The following MAP3K5 variants were observed in gnomAD, a reference collection of about 807,000 sequenced individuals.
The protein encoded by MAP3K5 is mitogen-activated protein kinase kinase kinase 5, also known as ASK-1.
In MAP3K5, 56 loss-of-function variants were observed where a neutral mutation model predicts 158.7. The observed-to-expected ratio is 0.35, with a 90% CI of 0.28 to 0.44. MAP3K5 has a LOEUF of 0.44. Among genes scored for constraint, MAP3K5 ranks in the 20% least tolerant of loss-of-function variants. The pLI is 1.00. For missense variants in MAP3K5, 1,294 were observed against 1,674.8 expected, an observed-to-expected ratio of 0.77 and a Z score of 3.97; for synonymous variants, 579 against 601.7, an observed-to-expected ratio of 0.96 and a Z score of 0.55.
chr6:136,571,131 C>T (rs1446966301), intron 25 of MAP3K5, among the ~76,000 whole-genome samples: 4 of 152,086 alleles, frequency 2.6e-5, no homozygotes, highest in Non-Finnish European at 5.9e-5. Flanking sequence ...TCAGCATGCA[C>T]CCCCCTATTC....
chr6:136,602,040 T>C (rs925932204), intron 19 of MAP3K5, 61 bp from the exon 20 acceptor site: 98 of 1,380,700 alleles, frequency 7.1e-5, no homozygotes, highest in Non-Finnish European at 8.7e-5. Context: ...GCACCTGAAC[T>C]CCAGCTTCCA....
intron 1 of MAP3K5, among the ~76,000 whole-genome samples, chr6:136,772,482 G>A (rs1449454825): frequency 3.3e-5 from 5 of 151,964 alleles, no homozygotes; most frequent in Non-Finnish European, 7.4e-5. Flanking sequence ...GGGGGCAGTG[G>A]CGGGGGGCTT....
intron 7 of MAP3K5, among the ~76,000 whole-genome samples, chr6:136,686,787 T>C (rs1267393604): frequency 6.6e-6 from 1 of 152,090 alleles, no homozygotes; most frequent in East Asian, 1.9e-4. Context: ...CACAAACAAA[T>C]GGAAAAACAT....
At chr6:136,563,267 T>C (rs1410841121) in intron 26 of MAP3K5, among the ~76,000 whole-genome samples, 3 of 152,096 alleles carry the variant, frequency 2.0e-5, no homozygotes, top group Non-Finnish European at 4.4e-5. Flanking sequence ...ATGTCAAAGA[T>C]ATAAATATGG....
chr6:136,636,529 T>C (rs1777644304), intron 14 of MAP3K5, among the ~76,000 whole-genome samples: 1 of 152,180 alleles, frequency 6.6e-6, no homozygotes, highest in Non-Finnish European at 1.5e-5. Context: ...GTGTCATTCT[T>C]CAGACATTGA....
chr6:136,620,257 G>A (rs985636243), intron 15 of MAP3K5, among the ~76,000 whole-genome samples: 14 of 152,174 alleles, frequency 9.2e-5, no homozygotes, highest in African/African-American at 3.4e-4. Flanking sequence ...ATGACAGAGT[G>A]AGTCTCTGAC....
chr6:136,613,101 G>C lies in MAP3K5; in HGVS notation c.2415+19C>G, dbSNP rs779691910. On this transcript the variant is annotated intron_variant, in intron 17 of 29. Transcript: ENST00000359015. This position sits in a 1 kb window ranked among gnomAD's most constrained non-coding sequence, Gnocchi z 4.0. ...CAGCAAAGAAAGAACTCATGAAAAT[G>C]AATGCTGGTGTACCTCACCTTTATG... 1 of 1,572,974 alleles carries C rather than the reference G, an allele frequency of 6.4e-7. No individual in the cohort carries two copies. The highest frequency in any genetic ancestry group is 8.6e-7 in the Non-Finnish European group (1 of 1,161,984).
Position 136,711,590 on chromosome 6 carries a change from T to C in MAP3K5, c.589-6457A>G, listed in dbSNP as rs190229125. On this transcript the variant is annotated intron_variant, in intron 2 of 29. Coordinates refer to ENST00000359015, the MANE Select transcript of MAP3K5 (RefSeq NM_005923.4). ...TCGAGATGGGAGGATTGCTTGAACC[T>C]GGGAGGTGGAGGTTGCACTGAGCCA... is the stretch of plus-strand genomic sequence containing the variant. 1.4e-3 allele frequency among the ~76,000 whole-genome samples: 213 copies of C among 150,934 alleles called. 2 individuals are homozygous for C. The highest frequency in any genetic ancestry group is 2.2e-3 in the Non-Finnish European group (151 of 67,828).
chr6:136,664,686 G>A (rs1779152240), intron 8 of MAP3K5, among the ~76,000 whole-genome samples: 1 of 152,116 alleles, frequency 6.6e-6, no homozygotes, highest in Non-Finnish European at 1.5e-5. Context: ...GCCGGATGTG[G>A]TGGCTCATGC....
At chr6:136,624,617 A>G (rs958581021) in intron 14 of MAP3K5, among the ~76,000 whole-genome samples, 31 of 152,218 alleles carry the variant, frequency 2.0e-4, no homozygotes, top group African/African-American at 7.5e-4. Flanking sequence ...CTGAGCACAG[A>G]ATACTAAAAA....
At chr6:136,754,623 A>T (rs1783389014) in intron 1 of MAP3K5, among the ~76,000 whole-genome samples, 1 of 151,828 alleles carries the variant, frequency 6.6e-6, no homozygotes, top group Non-Finnish European at 1.5e-5. Context: ...TCCTGTTTGA[A>T]GGTGGATTAT....
At chr6:136,666,859 T>C (rs955979455) in intron 8 of MAP3K5, among the ~76,000 whole-genome samples, 1 of 152,230 alleles carries the variant, frequency 6.6e-6, no homozygotes, top group Non-Finnish European at 1.5e-5. Context: ...AATTCACTGA[T>C]AAGCCATATT....
intron 1 of MAP3K5, among the ~76,000 whole-genome samples, chr6:136,785,090 T>C (rs1273275580): frequency 2.6e-5 from 4 of 152,202 alleles, no homozygotes; most frequent in East Asian, 3.8e-4. Flanking sequence ...GGAAAGTATA[T>C]TGAAAGTAGA....
rs1481387114 is a variant in MAP3K5, at chr6:136,698,532, C to A, written c.763G>T (p.Asp255Tyr). The change falls in exon 4 of 30, where the codon GAT becomes TAT. Residue 255 changes from aspartate to tyrosine, a missense_variant. By Grantham distance (160) the Asp-to-Tyr change is radical. This residue lies in a region of MAP3K5 where 690 missense variants were observed against 870.5 expected (regional missense o/e 0.79). Transcript: ENST00000359015. The part of the protein sequence containing the change: ...LLGPICLPLV[D>Y]RFIQLLKVAQ... ...ACCTTCAAAAGTTGAATAAAACGAT[C>A]CACAAGAGGTAAGCAGATGGGTCCA... 1 of 1,613,884 alleles carries A rather than the reference C, an allele frequency of 6.2e-7. No individual in the cohort carries two copies. Among genetic ancestry groups the A allele is most frequent in the East Asian group, 2.2e-5 (1 of 44,834 alleles).
intron 21 of MAP3K5, 104 bp downstream of exon 21, chr6:136,600,918 A>T: frequency 8.3e-7 from 1 of 1,210,086 alleles, no homozygotes; most frequent in Non-Finnish European, 1.2e-6. Flanking sequence ...CTTTCCCCCC[A>T]TGTAAGCCAG....
chr6:136,602,066 A>C, intron 19 of MAP3K5, 87 bp from the exon 20 acceptor site: 6 of 963,774 alleles, frequency 6.2e-6, no homozygotes, highest in Non-Finnish European at 9.5e-6. Flanking sequence ...TGACCCCCCA[A>C]TGCAACAAGA....
At chr6:136,574,635 T>C (rs1387978116) in intron 25 of MAP3K5, among the ~76,000 whole-genome samples, 1 of 151,944 alleles carries the variant, frequency 6.6e-6, no homozygotes, top group East Asian at 1.9e-4. Flanking sequence ...AAGGGACTTG[T>C]ACTGTACTCT....
intron 1 of MAP3K5, among the ~76,000 whole-genome samples, chr6:136,754,876 C>T (rs1162901126): frequency 6.6e-6 from 1 of 152,120 alleles, no homozygotes; most frequent in Non-Finnish European, 1.5e-5. Flanking sequence ...GGTCCACTGA[C>T]AAGATCTCGA....
Position 136,614,148 on chromosome 6 carries a change from A to G in MAP3K5, c.2278+11T>C, listed in dbSNP as rs201039710. The G allele has an allele frequency of 1.5e-5, 24 of 1,608,382 alleles. No individual in the cohort carries two copies. Among genetic ancestry groups the G allele is most frequent in the South Asian group, 1.3e-4 (12 of 90,570 alleles). On this transcript the variant is annotated intron_variant, in intron 16 of 29. Transcript: ENST00000359015. ...ACATTCACACTTTTTAAAGAAAGAA[A>G]TATCTCTTACCTCCAGGGACCTGCT...
Sources: allele counts gnomAD v4.1 joint callset (sites outside exome capture counted in the v4.1 genomes callset), GRCh38; gene constraint gnomAD v4.1.1; regional missense constraint gnomAD v4.1.1; non-coding constraint Gnocchi (gnomAD v3.1); transcripts MANE v1.5; gene names NCBI Gene and HGNC (gene_info 2026-07-23, HGNC 2026-07-21).